PCDH15: variants seen among roughly 807,000 people sequenced by gnomAD.
PCDH15 encodes the protein protocadherin related 15, also known as protocadherin-15.
A neutral mutation model predicts 178.5 loss-of-function variants in PCDH15; 129 were observed. That is an observed-to-expected ratio of 0.72 (90% CI 0.63 to 0.84). The LOEUF (loss-of-function observed/expected upper bound fraction) is 0.84. PCDH15 is among the 40% of genes least tolerant of loss of function. The pLI is 0.00. For synonymous variants in PCDH15, 800 were observed against 732.0 expected, an observed-to-expected ratio of 1.09 and a Z score of -1.50; for missense variants, 2,230 against 2,099.9, an observed-to-expected ratio of 1.06 and a Z score of -1.21.
chr10:55,090,405 C>G (rs1006143744), intron 2 of PCDH15, among the ~76,000 whole-genome samples: 1 of 152,032 alleles, frequency 6.6e-6, no homozygotes, highest in East Asian at 1.9e-4. Flanking sequence ...CAGGCTTGCT[C>G]AAGATCTAAC....
intron 1 of PCDH15, among the ~76,000 whole-genome samples, chr10:55,203,552 C>T (rs1840311270): frequency 1.3e-5 from 2 of 152,028 alleles, no homozygotes; most frequent in African/African-American, 2.4e-5. Flanking sequence ...AAAAGGAAGG[C>T]TTCCTTGCTC....
In PCDH15 at chr10:53,810,571, T is replaced by C; in HGVS notation, c.4656A>G (p.Glu1552=). 6.2e-7 allele frequency: 1 copy of C among 1,612,604 alleles called. No individual in the cohort carries two copies. Among genetic ancestry groups the C allele is most frequent in the Non-Finnish European group, 8.5e-7 (1 of 1,179,704 alleles). The change falls in exon 37 of 38, where the codon GAA becomes GAG. Residue 1552 remains glutamate, a synonymous_variant. Transcript: ENST00000644397. ...YGEVVGEAEE[E]YEEEEWARKR... ...CAGTAATTACCTCTTCCTCCTCATATTCTTCCTCAGCTTCACCAACCACCT... is the reference window on the plus strand; with the variant it reads ...CAGTAATTACCTCTTCCTCCTCATACTCTTCCTCAGCTTCACCAACCACCT...
At chr10:54,525,372 A>T (rs11813324) in intron 3 of PCDH15, among the ~76,000 whole-genome samples, 3,481 of 152,300 alleles carry the variant, frequency 0.023, 74 homozygotes, top group African/African-American at 0.057. Flanking sequence ...TAGGAAACCC[A>T]CATGTTTTAT....
chr10:54,597,503 C>G (rs1319208653), intron 2 of PCDH15, among the ~76,000 whole-genome samples: 1 of 151,806 alleles, frequency 6.6e-6, no homozygotes, highest in Non-Finnish European at 1.5e-5. Context: ...TTAGAAAGAC[C>G]TCAAATTAAC....
intron 18 of PCDH15, among the ~76,000 whole-genome samples, chr10:54,030,110 A>C (rs1403136116): frequency 6.6e-6 from 1 of 152,122 alleles, no homozygotes; most frequent in Non-Finnish European, 1.5e-5. Flanking sequence ...CAAAACCAAA[A>C]TGTTATAGCT....
At chr10:55,518,544 GA>G (rs1841075808) in intron 2 of PCDH15, among the ~76,000 whole-genome samples, 1 of 151,938 alleles carries the variant, frequency 6.6e-6, no homozygotes, top group South Asian at 2.1e-4. Flanking sequence ...GAGGTTGGGG[GA>G]GAGTCTCTTG....
intron 34 of PCDH15, among the ~76,000 whole-genome samples, chr10:53,816,645 T>G (rs575777312): frequency 4.1e-4 from 62 of 152,232 alleles, no homozygotes; most frequent in Non-Finnish European, 6.9e-4. Flanking sequence ...AGTTTAACCT[T>G]GTTTTAAGTT....
chr10:55,545,144 A>C (rs893187803), intron 2 of PCDH15, among the ~76,000 whole-genome samples: 1 of 152,126 alleles, frequency 6.6e-6, no homozygotes, highest in African/African-American at 2.4e-5. Context: ...AAAGAAGACT[A>C]CTGTGCTGTA....
intron 3 of PCDH15, among the ~76,000 whole-genome samples, chr10:54,859,900 T>C (rs1259820077): frequency 6.6e-6 from 1 of 151,912 alleles, no homozygotes; most frequent in Non-Finnish European, 1.5e-5. Context: ...CCAAATAATG[T>C]AATTCTCCAA....
chr10:54,998,156 T>C (rs568174712), intron 2 of PCDH15, among the ~76,000 whole-genome samples: 24 of 152,272 alleles, frequency 1.6e-4, no homozygotes, highest in Admixed American at 1.3e-3. Flanking sequence ...TAAAGGTTAA[T>C]TCAAATTATG....
chr10:54,305,358 A>T (rs918919872), intron 8 of PCDH15, among the ~76,000 whole-genome samples: 1 of 152,046 alleles, frequency 6.6e-6, no homozygotes, highest in Non-Finnish European at 1.5e-5. Context: ...AGCACTTTTT[A>T]AAAAAGTAAT....
chr10:54,633,526 G>C (rs1424703318), intron 2 of PCDH15, among the ~76,000 whole-genome samples: 1 of 152,072 alleles, frequency 6.6e-6, no homozygotes. Context: ...ATAGTGAACT[G>C]TGTGGACCAT....
intron 8 of PCDH15, among the ~76,000 whole-genome samples, chr10:54,278,156 T>A (rs2132645339): frequency 6.6e-6 from 1 of 151,744 alleles, no homozygotes; most frequent in Admixed American, 6.6e-5. Context: ...TAAATTTTTT[T>A]ATGTGTTAAC....
At chr10:55,109,626 G>A (rs1564805777) in intron 2 of PCDH15, among the ~76,000 whole-genome samples, 1 of 152,060 alleles carries the variant, frequency 6.6e-6, no homozygotes, top group African/African-American at 2.4e-5. Flanking sequence ...TAAGGTCGGT[G>A]AAAAATCTCA....
intron 25 of PCDH15, among the ~76,000 whole-genome samples, chr10:53,932,385 T>C (rs1564801335): frequency 6.6e-6 from 1 of 152,210 alleles, no homozygotes; most frequent in Admixed American, 6.5e-5. Context: ...CAGACCTTTC[T>C]AGATGTAGCT....
chr10:55,386,921 T>G (rs1313738115), intron 2 of PCDH15, among the ~76,000 whole-genome samples: 1 of 152,088 alleles, frequency 6.6e-6, no homozygotes, highest in African/African-American at 2.4e-5. Context: ...AATTTTTATT[T>G]CCTCACTGGT....
At chr10:53,808,873 G>A (rs1564510930) in intron 37 of PCDH15, 5 of 1,603,620 alleles carry the variant, frequency 3.1e-6, no homozygotes, top group Non-Finnish European at 4.3e-6. Context: ...TTCCACCGAA[G>A]CTGATTCTGC....
intron 2 of PCDH15, among the ~76,000 whole-genome samples, chr10:55,565,522 CA>C (rs1004754195): frequency 6.6e-6 from 1 of 151,218 alleles, no homozygotes; most frequent in Admixed American, 6.6e-5. Flanking sequence ...CAGAGATAGA[CA>C]AAATAGATGA....
intron 3 of PCDH15, among the ~76,000 whole-genome samples, chr10:54,834,182 T>C (rs545699509): frequency 7.9e-5 from 12 of 152,040 alleles, no homozygotes; most frequent in African/African-American, 2.2e-4. Context: ...TATCTAATAT[T>C]GTTTTTACTA....
Sources: allele counts gnomAD v4.1 joint callset (sites outside exome capture counted in the v4.1 genomes callset), GRCh38; gene constraint gnomAD v4.1.1; transcripts MANE v1.5; gene names NCBI Gene and HGNC (gene_info 2026-07-23, HGNC 2026-07-21).